Variants in AGBL1 observed in about 807,000 individuals in gnomAD.
AGBL1 encodes the protein AGBL carboxypeptidase 1.
A neutral mutation model predicts 118.9 loss-of-function variants in AGBL1; 130 were observed. The ratio of observed to expected loss-of-function variants is 1.09; its 90% confidence interval spans 0.95 to 1.26. The LOEUF (loss-of-function observed/expected upper bound fraction) is 1.26, where lower values mean the gene tolerates loss of function less well. AGBL1 is among the 50% of genes most tolerant of loss of function. The probability of loss-of-function intolerance (pLI) is 0.00; values close to 1 mark genes in which losing one functional copy is unlikely to be tolerated. For missense variants in AGBL1, 1,584 were observed against 1,298.1 expected (o/e 1.22, Z -3.38); for synonymous variants, 555 against 478.9 (o/e 1.16, Z -2.08).
In AGBL1 at chr15:86,286,735, G is replaced by GTGTATATATATATA; in HGVS notation, c.2220+6953_2220+6954insGTATATATATATAT. ...TATATGTGTGTGTGTGTTTGTGTGT[G>GTGTATATATATATA]TATATATATATATAAAACTCCATCA... On this transcript the variant is annotated intron_variant, in intron 16 of 22. Coordinates refer to ENST00000614907, the MANE Select transcript of AGBL1 (RefSeq NM_001386094.1). Among the ~76,000 whole-genome samples the GTGTATATATATATA allele has an allele frequency of 4.8e-4, 51 of 106,280 alleles. 5 individuals carry two copies. Among genetic ancestry groups the GTGTATATATATATA allele is most frequent in the African/African-American group, 8.5e-4 (22 of 25,764 alleles). The allele number at this position is 106,280 out of a possible 152,430, so 69.7% of individuals were successfully genotyped here. A position where few individuals can be genotyped will look rare whatever the true frequency, so the allele number is the denominator to read the frequency against.
chr15:86,509,735 CA>C (rs1253092260), intron 18 of AGBL1, among the ~76,000 whole-genome samples: 1 of 152,040 alleles, frequency 6.6e-6, no homozygotes, highest in Non-Finnish European at 1.5e-5. Flanking sequence ...TTATTTATGT[CA>C]CTGACACTTT....
chr15:86,293,551 G>A (rs1162771967), intron 16 of AGBL1, among the ~76,000 whole-genome samples: 1 of 152,098 alleles, frequency 6.6e-6, no homozygotes, highest in Non-Finnish European at 1.5e-5. Context: ...AGTGCAGGAC[G>A]ACCTCCCCAT....
chr15:86,484,672 T>G (rs928067657), intron 18 of AGBL1, among the ~76,000 whole-genome samples: 1 of 152,092 alleles, frequency 6.6e-6, no homozygotes, highest in Non-Finnish European at 1.5e-5. Context: ...GAGTAGGAAA[T>G]GCATTTAAAA....
intron 1 of AGBL1, among the ~76,000 whole-genome samples, chr15:86,113,283 C>CT (rs1481568810): frequency 2.0e-5 from 2 of 98,976 alleles, no homozygotes; most frequent in Non-Finnish European, 4.4e-5. Context: ...CTTTTTCTTT[C>CT]TTTCTTTTTT....
chr15:86,548,663 GCACACACA>G (rs61362688), intron 20 of AGBL1, among the ~76,000 whole-genome samples: 302 of 142,552 alleles, frequency 2.1e-3, no homozygotes, highest in East Asian at 0.013. Flanking sequence ...ACACATGCAC[GCACACACA>G]CACACACACA....
At chr15:86,385,327 A>AT (rs1220251253) in intron 17 of AGBL1, among the ~76,000 whole-genome samples, 1 of 152,208 alleles carries the variant, frequency 6.6e-6, no homozygotes, top group Non-Finnish European at 1.5e-5. Flanking sequence ...GCCTTGTATT[A>AT]TATCTCTGTT....
At chr15:86,881,204 T>C (rs1342138652) in intron 22 of AGBL1, among the ~76,000 whole-genome samples, 1 of 152,240 alleles carries the variant, frequency 6.6e-6, no homozygotes, top group African/African-American at 2.4e-5. Flanking sequence ...TGCAATTTTT[T>C]GAATTAGCAT....
chr15:86,636,762 CAT>C (rs1555432759), intron 21 of AGBL1, among the ~76,000 whole-genome samples: 4 of 49,318 alleles, frequency 8.1e-5, no homozygotes, highest in Non-Finnish European at 1.4e-4. Context: ...TATATATACA[CAT>C]ACATACAGAA....
At chr15:86,926,781 C>T (rs989987743) in intron 23 of AGBL1, among the ~76,000 whole-genome samples, 3 of 152,146 alleles carry the variant, frequency 2.0e-5, no homozygotes, top group Non-Finnish European at 4.4e-5. Flanking sequence ...AGGGCAATCA[C>T]CAGAATTTCT....
intron 22 of AGBL1, among the ~76,000 whole-genome samples, chr15:86,867,263 G>T (rs2079646254): frequency 6.6e-6 from 1 of 152,044 alleles, no homozygotes; most frequent in Non-Finnish European, 1.5e-5. Flanking sequence ...ACCCACGTTG[G>T]TCACAGCATA....
chr15:86,452,470 C>T (rs1219036904), intron 18 of AGBL1, among the ~76,000 whole-genome samples: 2 of 152,164 alleles, frequency 1.3e-5, no homozygotes, highest in African/African-American at 4.8e-5. Flanking sequence ...GTCTCAATTA[C>T]ACCAGGAACT....
At chr15:86,495,025 T>C (rs918335359) in intron 18 of AGBL1, among the ~76,000 whole-genome samples, 1 of 151,918 alleles carries the variant, frequency 6.6e-6, no homozygotes, top group Non-Finnish European at 1.5e-5. Flanking sequence ...ATTTTCATCC[T>C]TGCTTCACCA....
chr15:87,026,917 A>G (rs1055782098), intron 24 of AGBL1, among the ~76,000 whole-genome samples: 5 of 152,084 alleles, frequency 3.3e-5, no homozygotes, highest in Non-Finnish European at 5.9e-5. Flanking sequence ...GTTCACATTC[A>G]TAAGTGGGAG....
intron 21 of AGBL1, among the ~76,000 whole-genome samples, chr15:86,599,711 C>T (rs920847531): frequency 1.2e-4 from 18 of 152,174 alleles, no homozygotes; most frequent in African/African-American, 4.3e-4. Context: ...ACCCAATATC[C>T]AAATTCTTAT....
intron 1 of AGBL1, among the ~76,000 whole-genome samples, chr15:86,106,944 G>A (rs1336514274): frequency 6.6e-6 from 1 of 152,160 alleles, no homozygotes; most frequent in African/African-American, 2.4e-5. Flanking sequence ...AGTGATCAAT[G>A]TTATTTGCTT....
chr15:86,294,784 A>G (rs2079605798), intron 16 of AGBL1, among the ~76,000 whole-genome samples: 1 of 152,106 alleles, frequency 6.6e-6, no homozygotes, highest in Admixed American at 6.5e-5. Flanking sequence ...ATTTATGGGT[A>G]CGCGTGAAGT....
chr15:86,736,982 G>T (rs1452451), intron 22 of AGBL1, among the ~76,000 whole-genome samples: 7 of 152,182 alleles, frequency 4.6e-5, no homozygotes, highest in African/African-American at 1.4e-4. Flanking sequence ...ATCCTAGCTT[G>T]TAACAATCCC....
At chr15:86,757,778 C>T (rs1027496255) in intron 22 of AGBL1, among the ~76,000 whole-genome samples, 5 of 152,020 alleles carry the variant, frequency 3.3e-5, no homozygotes, top group Admixed American at 1.3e-4. Context: ...CCTCTCTAAG[C>T]GGATTTGTAG....
intron 17 of AGBL1, among the ~76,000 whole-genome samples, chr15:86,311,560 AATTAAGATTCC>A (rs1276408390): frequency 6.6e-6 from 1 of 152,142 alleles, no homozygotes; most frequent in Non-Finnish European, 1.5e-5. Flanking sequence ...GGAGTTCCTG[AATTAAGATTCC>A]AACCAAAACC....
Sources: allele counts gnomAD v4.1 joint callset (sites outside exome capture counted in the v4.1 genomes callset), GRCh38; gene constraint gnomAD v4.1.1; transcripts MANE v1.5; gene names NCBI Gene and HGNC (gene_info 2026-07-23, HGNC 2026-07-21).